Variants in CYB5R3 observed in about 807,000 individuals in gnomAD.
The protein encoded by CYB5R3 is NADH-cytochrome b5 reductase 3.
Under a neutral mutation model 36.5 loss-of-function variants are expected in CYB5R3, and 28 were observed. The ratio of observed to expected loss-of-function variants is 0.77; its 90% CI spans 0.57 to 1.05. The LOEUF is 1.05. Ranked by LOEUF, CYB5R3 falls within the 50% of genes least tolerant of loss-of-function variation. CYB5R3 has a pLI of 0.00. For synonymous variants in CYB5R3, 181 were observed against 159.8 expected, an observed-to-expected ratio of 1.13 and a Z score of -1.00; for missense variants, 474 against 408.9, an observed-to-expected ratio of 1.16 and a Z score of -1.37.
At chr22:42,621,770 C>T (rs964855893) in intron 8 of CYB5R3, among the ~76,000 whole-genome samples, 5 of 152,246 alleles carry the variant, frequency 3.3e-5, no homozygotes, top group African/African-American at 7.2e-5. Context: ...GGCTCCTGCA[C>T]GCACCAGGGA....
At chr22:42,647,638 G>A (rs1211037265) in intron 1 of CYB5R3, among the ~76,000 whole-genome samples, 1 of 149,758 alleles carries the variant, frequency 6.7e-6, no homozygotes, top group Non-Finnish European at 1.5e-5. Context: ...AGAATTGCTG[G>A]AGCCCAGGAA....
At chr22:42,627,423 G>C (rs192700762) in intron 6 of CYB5R3, 34 bp from the exon 7 acceptor site, 3 of 1,604,800 alleles carry the variant, frequency 1.9e-6, no homozygotes, top group Admixed American at 1.7e-5. Context: ...CGCACGTGCT[G>C]AGCGAGGCCT....
chr22:42,630,998 A>C lies in CYB5R3; in HGVS notation c.227-10T>G. 6.2e-7 allele frequency: 1 copy of C among 1,612,176 alleles called. No homozygotes were observed. The highest frequency in any genetic ancestry group is 8.5e-7 in the Non-Finnish European group (1 of 1,178,746). ...AGGTAGATGTGCTGGCCTGCAGGAC[A>C]GAACGGGGTCACTCTGGGCCAGAGA... is the stretch of plus-strand genomic sequence containing the variant. On this transcript the variant is annotated splice_polypyrimidine_tract_variant and intron_variant, in intron 3 of 8. Transcript: ENST00000352397.
At chr22:42,646,434 G>A (rs1488286492) in intron 1 of CYB5R3, among the ~76,000 whole-genome samples, 3 of 152,158 alleles carry the variant, frequency 2.0e-5, no homozygotes, top group Admixed American at 6.5e-5. Flanking sequence ...GAGGGGCTGC[G>A]TAGCTCTGCT....
At chr22:42,644,596 T>G in intron 1 of CYB5R3, 1 of 1,504,132 alleles carries the variant, frequency 6.6e-7, no homozygotes, top group Non-Finnish European at 8.9e-7. Flanking sequence ...TCACAGCCCC[T>G]GGTCCCTTCT....
At chr22:42,624,953 T>C (rs997688156) in intron 7 of CYB5R3, among the ~76,000 whole-genome samples, 1 of 152,018 alleles carries the variant, frequency 6.6e-6, no homozygotes, top group Non-Finnish European at 1.5e-5. Flanking sequence ...ATGAGCTGTG[T>C]GAGGGGCATA....
chr22:42,647,862 T>C (rs982726373), intron 1 of CYB5R3, among the ~76,000 whole-genome samples: 1 of 151,286 alleles, frequency 6.6e-6, no homozygotes, highest in Non-Finnish European at 1.5e-5. Context: ...GAGACTCTTC[T>C]CAAAAAAGAA....
chr22:42,619,428 G>C lies in CYB5R3; in HGVS notation c.*345C>G, dbSNP rs989987297. 1 of 298,358 alleles carries C rather than the reference G, an allele frequency of 3.4e-6. No homozygotes were observed. The highest frequency in any genetic ancestry group is 4.5e-5 in the Admixed American group (1 of 22,148). The allele number at this position is 298,358 out of a possible 1,614,324, so 18.5% of individuals were successfully genotyped here. A position where few individuals can be genotyped will look rare whatever the true frequency, so the allele number is the denominator to read the frequency against. On this transcript the variant is annotated 3_prime_UTR_variant, in exon 9 of 9. Coordinates refer to ENST00000352397, the MANE Select transcript of CYB5R3 (RefSeq NM_000398.7). ...TGCTGACATCCCGACTATGGTCCAC[G>C]GCCGGGAATGGTGGGCAGACGGGGC...
rs1927761182 is a variant in CYB5R3, at chr22:42,618,557, A to AAC, written c.*1215_*1216insGT. 3 of 126,800 alleles carry AAC rather than the reference A, an allele frequency of 2.4e-5. No individual in the cohort carries two copies. The highest frequency in any genetic ancestry group is 8.2e-5 in the African/African-American group (3 of 36,682). The allele number at this position is 126,800 out of a possible 1,614,324, so 7.9% of individuals were successfully genotyped here. A position where few individuals can be genotyped will look rare whatever the true frequency, so the allele number is the denominator to read the frequency against. On this transcript the variant is annotated 3_prime_UTR_variant, in exon 9 of 9. Coordinates refer to ENST00000352397, the MANE Select transcript of CYB5R3 (RefSeq NM_000398.7). ...GTCTCAAAAAAAAAAAAAAAAAAAT[A>AAC]CAAAAACTAGCTGGGTGTGGTGGTG...
rs117865837 is a variant in CYB5R3, at chr22:42,628,523, G to C, written c.334-242C>G. On this transcript the variant is annotated intron_variant, in intron 4 of 8. Transcript: ENST00000352397. ...CCGGGGAAAGCAAACCACCAGCCTC[G>C]TGTACAAGGCCGACCAACTCCAGGG... Among the ~76,000 whole-genome samples the C allele has an allele frequency of 2.0e-5, 3 of 152,096 alleles. No homozygotes were observed. In the East Asian group the frequency reaches 5.8e-4, roughly 29 times the overall value.
At chr22:42,638,597 C>T (rs1043180694) in intron 1 of CYB5R3, among the ~76,000 whole-genome samples, 32 of 148,648 alleles carry the variant, frequency 2.2e-4, no homozygotes, top group South Asian at 8.6e-4. Context: ...AATCCCTGGG[C>T]GGGCACAGTG....
rs532150771 is a variant in CYB5R3 at position 42,620,068 on chromosome 22, T to C, written c.734-123A>G. ...AATGGAGAGGCTGATCCCAGCAAAC[T>C]GTCACCAGGACCCCCTGCCCCCAAC... On this transcript the variant is annotated intron_variant, in intron 8 of 8. Coordinates refer to ENST00000352397, the MANE Select transcript of CYB5R3 (RefSeq NM_000398.7). 97 of 974,052 alleles carry C rather than the reference T, an allele frequency of 1.0e-4. 5 individuals are homozygous for C. In the South Asian group the frequency reaches 1.3e-3, roughly 13 times the overall value. The allele number at this position is 974,052 out of a possible 1,614,324, so 60.3% of individuals were successfully genotyped here. A position where few individuals can be genotyped will look rare whatever the true frequency, so the allele number is the denominator to read the frequency against.
intron 7 of CYB5R3, 92 bp from the exon 8 acceptor site, chr22:42,623,980 C>CAAG: frequency 8.9e-7 from 1 of 1,122,450 alleles, no homozygotes; most frequent in Non-Finnish European, 1.3e-6. Flanking sequence ...ATCGCGCCCG[C>CAAG]CTGCGGGCCA....
chr22:42,621,268 C>T (rs998063412), intron 8 of CYB5R3, among the ~76,000 whole-genome samples: 2 of 151,862 alleles, frequency 1.3e-5, no homozygotes, highest in African/African-American at 4.8e-5. Flanking sequence ...CAGGCAGTGG[C>T]TATTCACAGG....
At chr22:42,627,814 T>G in intron 5 of CYB5R3, 126 bp from the exon 6 acceptor site, 1 of 785,968 alleles carries the variant, frequency 1.3e-6, no homozygotes, top group Non-Finnish European at 2.2e-6. Flanking sequence ...GCTGCCATTC[T>G]AACGCGAGCC....
intron 4 of CYB5R3, among the ~76,000 whole-genome samples, chr22:42,630,266 T>C (rs1297127705): frequency 6.6e-6 from 1 of 152,026 alleles, no homozygotes; most frequent in Non-Finnish European, 1.5e-5. Context: ...AGAAAGCCCA[T>C]CACCCCAGCT....
intron 8 of CYB5R3, among the ~76,000 whole-genome samples, chr22:42,622,220 T>G (rs1928014291): frequency 1.3e-5 from 2 of 152,162 alleles, no homozygotes; most frequent in South Asian, 4.1e-4. Context: ...GCGCCCGGCC[T>G]GCTCCTTTCG....
At chr22:42,627,189 G>A (rs1601932994) in intron 7 of CYB5R3, 115 bp downstream of exon 7, 1 of 903,056 alleles carries the variant, frequency 1.1e-6, no homozygotes, top group African/African-American at 1.6e-5. Context: ...CCCCCATCCC[G>A]GTCATCCCCA....
intron 2 of CYB5R3, among the ~76,000 whole-genome samples, chr22:42,636,062 A>G (rs1354077276): frequency 1.3e-5 from 2 of 152,138 alleles, no homozygotes; most frequent in Non-Finnish European, 2.9e-5. Flanking sequence ...AAAAAATACA[A>G]AAATTAGGCT....
Sources: allele counts gnomAD v4.1 joint callset (sites outside exome capture counted in the v4.1 genomes callset), GRCh38; gene constraint gnomAD v4.1.1; transcripts MANE v1.5; gene names NCBI Gene and HGNC (gene_info 2026-07-23, HGNC 2026-07-21).